XG: variants seen among roughly 807,000 people sequenced by gnomAD.
XG encodes Xg glycoprotein (Xg blood group), also known as glycoprotein Xg.
A neutral mutation model predicts 25.7 loss-of-function variants in XG; 24 were observed. The observed-to-expected ratio is 0.93, with a 90% confidence interval of 0.68 to 1.31. The LOEUF (loss-of-function observed/expected upper bound fraction) is 1.31, where lower values mean the gene tolerates loss of function less well. XG is among the 40% of genes most tolerant of loss of function. The pLI, the probability that XG is intolerant of heterozygous loss-of-function variation, is 0.00. For missense variants in XG, 181 were observed against 187.6 expected (o/e 0.96, Z 0.21); for synonymous variants, 77 against 69.2 (o/e 1.11, Z -0.56).
At position 2,811,355 on chromosome X, in the gene XG, C is replaced by T. The variant is rs1399672571; in HGVS notation, c.474C>T (p.Ile158=). ...GNPEGNMVAK[I]VSPIVSVVVV... The stretch of plus-strand genomic sequence containing the variant: ...CTGCAGGCAATATGGTAGCAAAAAT[C>T]GTGTCTCCCATCGTATCCGTGGTGG... Residue 158 remains isoleucine, a synonymous_variant, in exon 10 of 11, where the codon ATC becomes ATT. Coordinates refer to ENST00000644266, the MANE Select transcript of XG (RefSeq NM_001141919.2). 1.7e-6 allele frequency: 2 copies of T among 1,207,289 alleles called. No homozygotes were observed. The highest frequency in any genetic ancestry group is 1.7e-5 in the African/African-American group (1 of 57,579).
chrX:2,782,723 C>T (rs762726764), intron 4 of XG, among the ~76,000 whole-genome samples: 1 of 111,353 alleles, frequency 9.0e-6, no homozygotes, highest in Non-Finnish European at 1.9e-5. Flanking sequence ...TCTCAAGCAC[C>T]GATCTTAGGT....
chrX:2,772,001 G>T (rs1296794570), intron 2 of XG, among the ~76,000 whole-genome samples: 1 of 152,126 alleles, frequency 6.6e-6, no homozygotes, highest in Non-Finnish European at 1.5e-5. Context: ...CAGGTGTGTG[G>T]TTGCAACCAC....
intron 4 of XG, among the ~76,000 whole-genome samples, chrX:2,783,973 C>T (rs1277602997): frequency 3.6e-5 from 4 of 110,555 alleles, no homozygotes; most frequent in East Asian, 2.9e-4. Context: ...GATTCTGTCT[C>T]GAAAAACCAA....
intron 1 of XG, among the ~76,000 whole-genome samples, chrX:2,766,050 A>G (rs1447129948): frequency 6.6e-6 from 1 of 152,222 alleles, no homozygotes; most frequent in Non-Finnish European, 1.5e-5. Flanking sequence ...CTGTGTAGAA[A>G]TAGGGTTGGA....
chrX:2,784,042 G>A (rs1410703239), intron 4 of XG, among the ~76,000 whole-genome samples: 1 of 111,349 alleles, frequency 9.0e-6, no homozygotes, highest in Non-Finnish European at 1.9e-5. Flanking sequence ...ACCCTTAACT[G>A]CATTAGTTAA....
At chrX:2,801,808 A>G (rs536829099) in intron 7 of XG, among the ~76,000 whole-genome samples, 5 of 110,815 alleles carry the variant, frequency 4.5e-5, no homozygotes, top group East Asian at 2.8e-4. Flanking sequence ...TCCCGGGTTC[A>G]CGCCATTCTC....
At chrX:2,767,075 T>C (rs777390115) in intron 1 of XG, among the ~76,000 whole-genome samples, 32 of 152,142 alleles carry the variant, frequency 2.1e-4, no homozygotes, top group African/African-American at 7.7e-4. Flanking sequence ...CTGAGGCTGC[T>C]GCTGAGGCCT....
intron 3 of XG, among the ~76,000 whole-genome samples, chrX:2,777,549 C>T (rs747746065): frequency 3.9e-5 from 6 of 151,986 alleles, no homozygotes; most frequent in Admixed American, 6.6e-5. Flanking sequence ...GCTGAGATTG[C>T]GCCACTGCAC....
At chrX:2,768,390 G>T (rs970381498) in intron 1 of XG, among the ~76,000 whole-genome samples, 2 of 152,208 alleles carry the variant, frequency 1.3e-5, no homozygotes, top group African/African-American at 4.8e-5. Flanking sequence ...CAGCCTTGGA[G>T]GGGAGATGTT....
intron 1 of XG, among the ~76,000 whole-genome samples, chrX:2,766,144 C>G (rs2050679782): frequency 6.8e-6 from 1 of 148,104 alleles, no homozygotes; most frequent in Non-Finnish European, 1.5e-5. Context: ...TGGCCTCTCT[C>G]TCTCTCTTTT....
chrX:2,774,442 C>T (rs1194182721), intron 2 of XG, among the ~76,000 whole-genome samples: 1 of 151,352 alleles, frequency 6.6e-6, no homozygotes, highest in Non-Finnish European at 1.5e-5. Context: ...GCTCTACGGG[C>T]AGGTGGCTCA....
At chrX:2,763,415 A>G (rs983397670) in intron 1 of XG, among the ~76,000 whole-genome samples, 77 of 152,098 alleles carry the variant, frequency 5.1e-4, no homozygotes, top group Non-Finnish European at 1.1e-3. Flanking sequence ...TGGGTAAGAG[A>G]AACTGAGGCC....
chrX:2,752,331 C>T lies in XG; in HGVS notation c.57C>T (p.Ala19=). ...CGTTCCTGTGTTTTCTAATGCACGC[C>T]CGAGGTAAGAGGCATTTTGCTTTGA... ...CLAFLCFLMH[A]RGQRDFDLAD... The change falls in exon 1 of 11, where the codon GCC becomes GCT. Residue 19 remains alanine, a synonymous_variant. Transcript: ENST00000644266. The T allele has an allele frequency of 6.2e-7, 1 of 1,613,202 alleles. No homozygotes were observed. The highest frequency in any genetic ancestry group is 8.5e-7 in the Non-Finnish European group (1 of 1,179,860).
intron 1 of XG, among the ~76,000 whole-genome samples, chrX:2,754,617 C>T (rs2050396656): frequency 6.6e-6 from 1 of 152,110 alleles, no homozygotes; most frequent in Non-Finnish European, 1.5e-5. Flanking sequence ...ATCACAAGGT[C>T]CCACAACAGG....
intron 8 of XG, among the ~76,000 whole-genome samples, chrX:2,807,497 G>A (rs775542898): frequency 2.7e-5 from 1 of 36,424 alleles, no homozygotes; most frequent in African/African-American, 6.1e-5. Flanking sequence ...TATGCATACA[G>A]GTGTAAACAT....
At chrX:2,759,877 G>A (rs770726089) in intron 1 of XG, among the ~76,000 whole-genome samples, 25 of 152,352 alleles carry the variant, frequency 1.6e-4, no homozygotes, top group African/African-American at 5.8e-4. Context: ...ACCTGTGAGC[G>A]ATGTGTGCAG....
At chrX:2,794,242 C>T (rs2291380) in intron 5 of XG, among the ~76,000 whole-genome samples, 57,782 of 110,255 alleles carry the variant, frequency 0.52, 12,523 homozygotes, top group Admixed American at 0.72. Context: ...ACAGCCTGAG[C>T]TTCACCCCAG....
chrX:2,773,009 C>G, intron 2 of XG, among the ~76,000 whole-genome samples: 1 of 122,442 alleles, frequency 8.2e-6, no homozygotes, highest in Non-Finnish European at 1.6e-5. Flanking sequence ...GAGTGTATCA[C>G]TATTTTAAAA....
chrX:2,782,161 A>G (rs5939320), intron 4 of XG, 33 bp downstream of exon 4: 381,047 of 1,198,872 alleles, frequency 0.32, 42,439 homozygotes, highest in East Asian at 0.53. Flanking sequence ...CTCTTTCTCA[A>G]TCTGGTTTGA....
Sources: gnomAD v4.1 joint callset for allele counts (sites outside exome capture counted in the v4.1 genomes callset) on GRCh38, gnomAD v4.1.1 for gene constraint, MANE v1.5 for transcripts, NCBI Gene and HGNC (gene_info 2026-07-23, HGNC 2026-07-21) for gene names.